Variants in DLGAP2 observed in about 807,000 individuals in gnomAD.
DLGAP2 encodes the protein DLG associated protein 2.
Under a neutral mutation model 100.3 loss-of-function variants are expected in DLGAP2, and 26 were observed. The ratio of observed to expected loss-of-function variants is 0.26; its 90% CI spans 0.19 to 0.36. DLGAP2 has a LOEUF of 0.36. Among genes scored for constraint, DLGAP2 ranks in the 10% least tolerant of loss-of-function variants. The probability of loss-of-function intolerance (pLI) is 1.00; values close to 1 mark genes in which losing one functional copy is unlikely to be tolerated. For synonymous variants in DLGAP2, 886 were observed against 630.1 expected (o/e 1.41, Z -6.08); for missense variants, 1,858 against 1,453.2 (o/e 1.28, Z -4.53).
At chr8:847,530 A>C (rs1367536082) in intron 1 of DLGAP2, among the ~76,000 whole-genome samples, 1 of 151,604 alleles carries the variant, frequency 6.6e-6, no homozygotes, top group Non-Finnish European at 1.5e-5. Context: ...TTTTTGAGAC[A>C]AGGTCTCGCT....
At chr8:935,283 C>T (rs1045173333) in intron 2 of DLGAP2, among the ~76,000 whole-genome samples, 12 of 152,198 alleles carry the variant, frequency 7.9e-5, no homozygotes, top group African/African-American at 2.7e-4. Flanking sequence ...TGGGAGTCCT[C>T]GCTGTACAAA....
intron 4 of DLGAP2, among the ~76,000 whole-genome samples, chr8:1,527,980 T>C (rs1800850514): frequency 1.3e-5 from 2 of 152,224 alleles, no homozygotes; most frequent in African/African-American, 2.4e-5. Flanking sequence ...GGACATTTTT[T>C]GTACAGTTAT....
chr8:1,098,222 C>T (rs990924789), intron 2 of DLGAP2, among the ~76,000 whole-genome samples: 3 of 152,254 alleles, frequency 2.0e-5, no homozygotes, highest in African/African-American at 7.2e-5. Flanking sequence ...ACAGAAACTC[C>T]TCCGCACACC....
intron 1 of DLGAP2, among the ~76,000 whole-genome samples, chr8:767,503 C>T (rs950834642): frequency 4.6e-5 from 7 of 151,984 alleles, no homozygotes; most frequent in Admixed American, 2.0e-4. Flanking sequence ...ATTAGAGGCA[C>T]CTGGCACCCT....
intron 6 of DLGAP2, among the ~76,000 whole-genome samples, chr8:1,581,784 A>G (rs1340159411): frequency 1.3e-5 from 2 of 151,960 alleles, no homozygotes; most frequent in Non-Finnish European, 2.9e-5. Context: ...CAAGTGAACG[A>G]TACAGACAAA....
At chr8:1,363,555 C>T (rs570000421) in intron 3 of DLGAP2, among the ~76,000 whole-genome samples, 24 of 152,334 alleles carry the variant, frequency 1.6e-4, no homozygotes, top group African/African-American at 5.8e-4. Context: ...GGGTCCCCGG[C>T]ATTTCCAGAG....
intron 1 of DLGAP2, among the ~76,000 whole-genome samples, chr8:870,927 G>T (rs938015685): frequency 6.6e-6 from 1 of 152,132 alleles, no homozygotes; most frequent in Non-Finnish European, 1.5e-5. Flanking sequence ...CCATCCTGTG[G>T]TCATTCCCCT....
chr8:1,002,603 A>T (rs1584962993), intron 2 of DLGAP2: 1 of 152,242 alleles, frequency 6.6e-6, no homozygotes, highest in Non-Finnish European at 1.5e-5. Context: ...GAATCTACCC[A>T]GCTGGACACT....
intron 2 of DLGAP2, among the ~76,000 whole-genome samples, chr8:1,011,258 A>G (rs1442082208): frequency 2.1e-5 from 3 of 145,078 alleles, no homozygotes; most frequent in Admixed American, 6.8e-5. Flanking sequence ...GAGCCCTAGA[A>G]TGAGGAGTCT....
At chr8:917,008 C>T (rs1414868666) in intron 2 of DLGAP2, among the ~76,000 whole-genome samples, 1 of 152,190 alleles carries the variant, frequency 6.6e-6, no homozygotes, top group Non-Finnish European at 1.5e-5. Context: ...TTGCCCCTTC[C>T]TGGGAAGAGA....
At chr8:1,335,331 C>T (rs574186318) in intron 3 of DLGAP2, among the ~76,000 whole-genome samples, 102 of 152,252 alleles carry the variant, frequency 6.7e-4, no homozygotes, top group African/African-American at 2.3e-3. Flanking sequence ...CTGTGGACAA[C>T]GAATTTAGAA....
intron 2 of DLGAP2, among the ~76,000 whole-genome samples, chr8:1,143,518 G>A (rs572561609): frequency 7.9e-5 from 12 of 152,320 alleles, no homozygotes; most frequent in African/African-American, 2.9e-4. Context: ...ACCCACGGGT[G>A]TGGTGGATTT....
intron 2 of DLGAP2, among the ~76,000 whole-genome samples, chr8:976,040 T>C (rs568796524): frequency 1.3e-5 from 2 of 152,274 alleles, no homozygotes; most frequent in Admixed American, 1.3e-4. Context: ...GTTATTTTCC[T>C]ATACACCAGC....
intron 3 of DLGAP2, among the ~76,000 whole-genome samples, chr8:1,458,629 A>G (rs780180083): frequency 1.3e-5 from 2 of 152,208 alleles, no homozygotes; most frequent in Non-Finnish European, 2.9e-5. Flanking sequence ...ACTCAAAACA[A>G]TCTCTGAGCC....
Position 946,131 on chromosome 8 carries a change from G to T in DLGAP2, c.73+38165G>T, listed in dbSNP as rs1225481898. ...GATTGCAGGAAGGCTCTGGGAAGCTGCGCTTGGGCAAACCCTTAGCGTGAC... is the reference window on the plus strand; with the variant it reads ...GATTGCAGGAAGGCTCTGGGAAGCTTCGCTTGGGCAAACCCTTAGCGTGAC... On this transcript the variant is annotated intron_variant, in intron 2 of 14. Coordinates refer to ENST00000637795, the MANE Select transcript of DLGAP2 (RefSeq NM_001346810.2). Among the ~76,000 whole-genome samples the T allele has an allele frequency of 5.9e-5, 9 of 152,228 alleles. No homozygotes were observed. In the Middle Eastern group the frequency reaches 0.01, roughly 173 times the overall value.
chr8:1,496,702 T>C (rs1364552797), intron 3 of DLGAP2, among the ~76,000 whole-genome samples: 3 of 152,096 alleles, frequency 2.0e-5, no homozygotes, highest in African/African-American at 4.8e-5. Flanking sequence ...TCTCTGAAGC[T>C]CAAGGGTGAT....
chr8:1,419,501 G>T (rs1403953913), intron 3 of DLGAP2, among the ~76,000 whole-genome samples: 3 of 148,784 alleles, frequency 2.0e-5, no homozygotes, highest in Non-Finnish European at 4.5e-5. Context: ...TTTATAAATG[G>T]TTATTTTTGG....
chr8:1,093,988 TGGAGGGCAGCTCCCCGGTGGAG>T (rs527769602), intron 2 of DLGAP2, among the ~76,000 whole-genome samples: 222 of 151,234 alleles, frequency 1.5e-3, no homozygotes, highest in Admixed American at 2.0e-3. Context: ...CGCTCGTGGA[TGGAGGGCAGCTCCCCGGTGGAG>T]GGAGGGCAGC....
intron 3 of DLGAP2, among the ~76,000 whole-genome samples, chr8:1,334,767 C>A (rs1297040976): frequency 6.6e-6 from 1 of 152,208 alleles, no homozygotes; most frequent in African/African-American, 2.4e-5. Context: ...CACCGAGAAG[C>A]CATAATGTAA....
Sources: allele counts gnomAD v4.1 joint callset (sites outside exome capture counted in the v4.1 genomes callset), GRCh38; gene constraint gnomAD v4.1.1; transcripts MANE v1.5; gene names NCBI Gene and HGNC (gene_info 2026-07-23, HGNC 2026-07-21).